The following LGSN variants were observed in gnomAD, a reference collection of about 807,000 sequenced individuals.
LGSN encodes lengsin.
LGSN carries 21 observed loss-of-function variants against 19.5 expected under a neutral mutation model. That is an observed-to-expected ratio of 1.07 (90% CI 0.76 to 1.55). The LOEUF (loss-of-function observed/expected upper bound fraction) is 1.55, where lower values mean the gene tolerates loss of function less well. Among genes scored for constraint, LGSN ranks in the 40% most tolerant of loss-of-function variants. LGSN has a pLI of 0.00. For synonymous variants in LGSN, 257 were observed against 215.6 expected (o/e 1.19, Z -1.68); for missense variants, 673 against 608.5 (o/e 1.11, Z -1.12).
At chr6:63,422,898 T>C in the LGSN span, among the ~76,000 whole-genome samples, 1 of 152,164 alleles carries the variant, frequency 6.6e-6, no homozygotes, top group Non-Finnish European at 1.5e-5. Flanking sequence ...TTGGTTTAAA[T>C]ACCCCAATTA....
At chr6:63,509,877 G>T in the LGSN span, among the ~76,000 whole-genome samples, 1 of 152,178 alleles carries the variant, frequency 6.6e-6, no homozygotes, top group Non-Finnish European at 1.5e-5. Flanking sequence ...ACAGTGTTTT[G>T]CCCTTCCTCC....
the LGSN span, among the ~76,000 whole-genome samples, chr6:63,486,157 A>T: frequency 6.6e-6 from 1 of 152,216 alleles, no homozygotes; most frequent in Non-Finnish European, 1.5e-5. Context: ...ATAAATTTGT[A>T]CTTAAGACAT....
At chr6:63,409,744 T>C in the LGSN span, among the ~76,000 whole-genome samples, 2 of 152,148 alleles carry the variant, frequency 1.3e-5, no homozygotes, top group African/African-American at 4.8e-5. Flanking sequence ...TAGTCTTTAG[T>C]TATTACCTCA....
the LGSN span, among the ~76,000 whole-genome samples, chr6:63,356,200 G>A: frequency 3.0e-4 from 45 of 152,008 alleles, 1 homozygote; most frequent in African/African-American, 7.3e-5. Context: ...TCAAGTTATC[G>A]TTTTGGGGAA....
chr6:63,382,202 G>A, the LGSN span, among the ~76,000 whole-genome samples: 1 of 152,148 alleles, frequency 6.6e-6, no homozygotes, highest in Non-Finnish European at 1.5e-5. Flanking sequence ...CCACATTGAA[G>A]AGAACTTACA....
the LGSN span, among the ~76,000 whole-genome samples, chr6:63,560,257 G>GA: frequency 6.9e-6 from 1 of 144,262 alleles, no homozygotes; most frequent in African/African-American, 2.6e-5. Flanking sequence ...AGAATCACTT[G>GA]AACCCAGGCA....
At chr6:63,396,319 A>G in the LGSN span, 1 of 217,800 alleles carries the variant, frequency 4.6e-6, no homozygotes, top group Non-Finnish European at 9.4e-6. Context: ...CAGCAGTTTA[A>G]ATTCTGGCCT....
chr6:63,284,139 T>TA (rs544913651), intron 3 of LGSN, among the ~76,000 whole-genome samples: 7 of 152,148 alleles, frequency 4.6e-5, no homozygotes, highest in Non-Finnish European at 7.4e-5. Flanking sequence ...AGTGGCTTCT[T>TA]AAAAAAATAT....
the LGSN span, among the ~76,000 whole-genome samples, chr6:63,405,645 CATA>C: frequency 6.6e-6 from 1 of 152,100 alleles, no homozygotes. Context: ...CAGCTAACAT[CATA>C]ATGACAGGAT....
the LGSN span, chr6:63,572,757 A>G: frequency 5.0e-6 from 2 of 398,160 alleles, no homozygotes; most frequent in African/African-American, 4.1e-5. Flanking sequence ...CGGGCTGGGA[A>G]TCCACGACCG....
chr6:63,493,009 G>A, the LGSN span, among the ~76,000 whole-genome samples: 12 of 152,222 alleles, frequency 7.9e-5, no homozygotes, highest in Non-Finnish European at 1.8e-4. Flanking sequence ...GTTTGTAGAT[G>A]TGAACACCAT....
the LGSN span, among the ~76,000 whole-genome samples, chr6:63,332,557 G>A: frequency 6.6e-6 from 1 of 152,096 alleles, no homozygotes; most frequent in East Asian, 1.9e-4. Context: ...CAAATCAACG[G>A]TCCCAACTCC....
intron 1 of LGSN, among the ~76,000 whole-genome samples, chr6:63,302,786 G>A (rs1358683232): frequency 3.3e-5 from 5 of 152,132 alleles, no homozygotes; most frequent in Non-Finnish European, 5.9e-5. Flanking sequence ...GGAGAGTCTG[G>A]AGAGCTGCCT....
chr6:63,453,003 A>G, the LGSN span, among the ~76,000 whole-genome samples: 2 of 152,172 alleles, frequency 1.3e-5, no homozygotes, highest in South Asian at 4.1e-4. Flanking sequence ...ATTTGGTTTC[A>G]TTCAAAATAT....
At chr6:63,438,212 A>G in the LGSN span, among the ~76,000 whole-genome samples, 1 of 152,124 alleles carries the variant, frequency 6.6e-6, no homozygotes, top group Non-Finnish European at 1.5e-5. Flanking sequence ...CAAGAGTTTG[A>G]GACCAGCCTG....
At chr6:63,291,221 C>T (rs1420189588) in intron 2 of LGSN, among the ~76,000 whole-genome samples, 1 of 152,192 alleles carries the variant, frequency 6.6e-6, no homozygotes, top group Non-Finnish European at 1.5e-5. Context: ...TGTTACCATG[C>T]TCTTTTAGTT....
At chr6:63,340,292 C>A in the LGSN span, among the ~76,000 whole-genome samples, 447 of 152,172 alleles carry the variant, frequency 2.9e-3, 3 homozygotes, top group African/African-American at 0.01. Flanking sequence ...CTTCCTGTAT[C>A]TAGATGTCTA....
chr6:63,552,373 A>C, the LGSN span, among the ~76,000 whole-genome samples: 1 of 151,640 alleles, frequency 6.6e-6, no homozygotes, highest in African/African-American at 2.4e-5. Flanking sequence ...CCACTTTTTG[A>C]TGGGGTTGTT....
At chr6:63,509,073 CTT>C in the LGSN span, among the ~76,000 whole-genome samples, 3 of 143,524 alleles carry the variant, frequency 2.1e-5, no homozygotes, top group African/African-American at 2.5e-5. Flanking sequence ...AAAAAATTTT[CTT>C]TTTTTTTTTG....
Sources: gnomAD v4.1 joint callset for allele counts (sites outside exome capture counted in the v4.1 genomes callset) on GRCh38, gnomAD v4.1.1 for gene constraint, MANE v1.5 for transcripts, NCBI Gene and HGNC (gene_info 2026-07-23, HGNC 2026-07-21) for gene names.